DLG5: variants seen among roughly 807,000 people sequenced by gnomAD.
DLG5 encodes the protein disks large homolog 5.
A neutral mutation model predicts 189.8 loss-of-function variants in DLG5; 48 were observed. The ratio of observed to expected loss-of-function variants is 0.25; its 90% CI spans 0.20 to 0.32. The LOEUF (loss-of-function observed/expected upper bound fraction) is 0.32, where lower values mean the gene tolerates loss of function less well. Ranked by LOEUF, DLG5 falls within the 10% of genes least tolerant of loss-of-function variation. The pLI is 1.00. For synonymous variants in DLG5, 1,016 were observed against 1,054.1 expected, an observed-to-expected ratio of 0.96 and a Z score of 0.70; for missense variants, 2,160 against 2,544.7, an observed-to-expected ratio of 0.85 and a Z score of 3.25.
At chr10:77,844,683 T>A (rs1843598853) in intron 5 of DLG5, among the ~76,000 whole-genome samples, 1 of 152,046 alleles carries the variant, frequency 6.6e-6, no homozygotes, top group Non-Finnish European at 1.5e-5. Context: ...ATAGGCCAAA[T>A]AAAGTAACTT....
intron 1 of DLG5, among the ~76,000 whole-genome samples, chr10:77,881,404 T>C (rs1845278232): frequency 6.6e-6 from 1 of 152,126 alleles, no homozygotes; most frequent in Non-Finnish European, 1.5e-5. Context: ...TGCAGCACTG[T>C]GGCCAAGGCC....
chr10:77,861,778 C>T (rs1226767396), intron 2 of DLG5, among the ~76,000 whole-genome samples: 1 of 152,232 alleles, frequency 6.6e-6, no homozygotes, highest in Admixed American at 6.5e-5. Flanking sequence ...CCAAAGCCAA[C>T]ACCTCAACCA....
At chr10:77,865,628 T>C (rs1844644067) in intron 2 of DLG5, among the ~76,000 whole-genome samples, 1 of 152,086 alleles carries the variant, frequency 6.6e-6, no homozygotes, top group South Asian at 2.1e-4. Flanking sequence ...TAGGTCAGGA[T>C]GAATGGGGAG....
chr10:77,867,006 C>G, intron 2 of DLG5: 1 of 457,278 alleles, frequency 2.2e-6, no homozygotes, highest in South Asian at 1.5e-5. Context: ...CCATCCTGCT[C>G]CAAGAAACAC....
chr10:77,900,885 A>C (rs1200842461), intron 1 of DLG5, among the ~76,000 whole-genome samples: 1 of 152,158 alleles, frequency 6.6e-6, no homozygotes, highest in Non-Finnish European at 1.5e-5. Flanking sequence ...CAGTGAGCCA[A>C]GATCGTGCTA....
At chr10:77,912,147 A>C (rs1846240515) in intron 1 of DLG5, 1 of 149,064 alleles carries the variant, frequency 6.7e-6, no homozygotes, top group Non-Finnish European at 1.5e-5. Flanking sequence ...GATTACATTG[A>C]GCTAGGATCA....
chr10:77,797,478 A>G (rs535142090), intron 27 of DLG5, among the ~76,000 whole-genome samples: 1 of 152,372 alleles, frequency 6.6e-6, no homozygotes, highest in East Asian at 1.9e-4. Flanking sequence ...GCAAGAGAGC[A>G]CGCAAGAGCT....
chr10:77,831,617 C>A (rs187548609), intron 9 of DLG5, among the ~76,000 whole-genome samples: 2 of 152,294 alleles, frequency 1.3e-5, no homozygotes. Context: ...GACAGACACA[C>A]AGGTCTGTAG....
chr10:77,939,796 G>T, the DLG5 span, among the ~76,000 whole-genome samples: 1 of 152,224 alleles, frequency 6.6e-6, no homozygotes, highest in Non-Finnish European at 1.5e-5. Context: ...GCTCCTCCAT[G>T]GGAGGCCTCG....
intron 25 of DLG5, among the ~76,000 whole-genome samples, chr10:77,807,341 T>C (rs1248627): frequency 0.26 from 39,940 of 152,070 alleles, 5,754 homozygotes; most frequent in Admixed American, 0.4. Flanking sequence ...ATGCTTTCTG[T>C]GATCTTGGAT....
In DLG5 at chr10:77,791,050, A is replaced by G. The variant is rs1335931475; in HGVS notation, c.*1390T>C. The G allele has an allele frequency of 6.6e-6, 1 of 152,648 alleles. No homozygotes were observed. The highest frequency in any genetic ancestry group is 1.5e-5 in the Non-Finnish European group (1 of 68,056). 9.5% of individuals were successfully genotyped at this position (152,648 alleles called of 1,614,324 possible). ...TTGTACCTGTAAAACAAAGGACAGC[A>G]TTGAGGACTGAAACTTGTCTCTTTT... On this transcript the variant is annotated 3_prime_UTR_variant, in exon 32 of 32. Transcript: ENST00000372391.
chr10:77,922,144 A>G (rs1338780190), intron 1 of DLG5, among the ~76,000 whole-genome samples: 1 of 151,978 alleles, frequency 6.6e-6, no homozygotes, highest in Admixed American at 6.6e-5. Flanking sequence ...CATCCTGTGC[A>G]CCCCGGCCCC....
At chr10:77,938,936 C>A in the DLG5 span, among the ~76,000 whole-genome samples, 1 of 152,200 alleles carries the variant, frequency 6.6e-6, no homozygotes. Context: ...CGCCTGTAAT[C>A]CCAGCACTTT....
chr10:77,887,689 G>C (rs375916758), intron 1 of DLG5, among the ~76,000 whole-genome samples: 18 of 152,338 alleles, frequency 1.2e-4, no homozygotes, highest in African/African-American at 4.3e-4. Flanking sequence ...CCCATCAGCT[G>C]AGATGAGATA....
rs768913225 is a variant in DLG5, at chr10:77,819,862, C to A, written c.3526+33G>T. The A allele has an allele frequency of 1.2e-5, 18 of 1,523,770 alleles. No homozygotes were observed. The Admixed American group carries it at 1.3e-4, about 11-fold the overall frequency. The allele number at this position is 1,523,770 out of a possible 1,614,324, so 94.4% of individuals were successfully genotyped here. ...ACTAGGCATCCCGAGTTTACACCGACCCTCAGCCCCAGCCCCTGGCTGGCT... is the reference window on the plus strand; with the variant it reads ...ACTAGGCATCCCGAGTTTACACCGAACCTCAGCCCCAGCCCCTGGCTGGCT... On this transcript the variant is annotated intron_variant, in intron 16 of 31. Coordinates refer to ENST00000372391, the MANE Select transcript of DLG5 (RefSeq NM_004747.4).
intron 18 of DLG5, among the ~76,000 whole-genome samples, chr10:77,817,400 A>G (rs1041524519): frequency 2.6e-5 from 4 of 152,208 alleles, no homozygotes; most frequent in African/African-American, 9.6e-5. Flanking sequence ...GTTCCCCAAG[A>G]TCTCCATGGG....
intron 2 of DLG5, among the ~76,000 whole-genome samples, chr10:77,862,440 A>G (rs1300405003): frequency 1.3e-5 from 2 of 152,222 alleles, no homozygotes; most frequent in East Asian, 1.9e-4. Context: ...ATAAAAAGCA[A>G]TGCCACCAAA....
intron 7 of DLG5, among the ~76,000 whole-genome samples, chr10:77,836,971 T>C (rs984099252): frequency 2.6e-5 from 4 of 152,026 alleles, no homozygotes; most frequent in African/African-American, 4.8e-5. Flanking sequence ...TCCCAGCACT[T>C]TGGGAGGCCA....
chr10:77,937,874 AT>A, the DLG5 span, among the ~76,000 whole-genome samples: 113 of 104,120 alleles, frequency 1.1e-3, no homozygotes, highest in African/African-American at 2.7e-3. Context: ...CACTCAGCTA[AT>A]TTTTTTTTTT....
Sources: gnomAD v4.1 joint callset for allele counts (sites outside exome capture counted in the v4.1 genomes callset) on GRCh38, gnomAD v4.1.1 for gene constraint, MANE v1.5 for transcripts, NCBI Gene and HGNC (gene_info 2026-07-23, HGNC 2026-07-21) for gene names.